Variants in PLEKHG1 observed in about 807,000 individuals in gnomAD.
PLEKHG1 encodes pleckstrin homology domain-containing family G member 1.
Under a neutral mutation model 100.8 loss-of-function variants are expected in PLEKHG1, and 44 were observed. That is an observed-to-expected ratio of 0.44 (90% confidence interval 0.34 to 0.56). The LOEUF (loss-of-function observed/expected upper bound fraction) is 0.56, where lower values mean the gene tolerates loss of function less well. Ranked by LOEUF, PLEKHG1 falls within the 20% of genes least tolerant of loss-of-function variation. The probability of loss-of-function intolerance (pLI) is 0.01; values close to 1 mark genes in which losing one functional copy is unlikely to be tolerated. For missense variants in PLEKHG1, 1,545 were observed against 1,720.9 expected (o/e 0.90, Z 1.81); for synonymous variants, 640 against 662.5 (o/e 0.97, Z 0.52).
rs75606037 is a variant in PLEKHG1 at position 150,740,461 on chromosome 6, C to G, written c.411+6369C>G. Reference sequence around the variant, plus strand: ...GCTGTTGAGAAGAGGGGAATTGTCGCAGATTTTATTGTCTTTTTACTTAAC... The same window carrying G: ...GCTGTTGAGAAGAGGGGAATTGTCGGAGATTTTATTGTCTTTTTACTTAAC... On this transcript the variant is annotated intron_variant, in intron 2 of 15. Coordinates refer to ENST00000358517, the Ensembl canonical transcript of PLEKHG1. Among the ~76,000 whole-genome samples the G allele has an allele frequency of 1.5e-3, 231 of 152,306 alleles. 2 individuals are homozygous for G. In the East Asian group the frequency reaches 0.038, roughly 25 times the overall value.
At chr6:150,667,680 CT>C (rs1343102212) in intron 3 of PLEKHG1, among the ~76,000 whole-genome samples, 1 of 152,176 alleles carries the variant, frequency 6.6e-6, no homozygotes, top group Admixed American at 6.5e-5. Flanking sequence ...TTAAAATTGC[CT>C]AGGAAATAAT....
intron 5 of PLEKHG1, among the ~76,000 whole-genome samples, chr6:150,798,768 T>A (rs940813457): frequency 6.6e-6 from 1 of 152,050 alleles, no homozygotes; most frequent in African/African-American, 2.4e-5. Flanking sequence ...AGAGTTAGAG[T>A]CTCGCTCTGT....
intron 1 of PLEKHG1, among the ~76,000 whole-genome samples, chr6:150,614,384 T>C (rs1776974780): frequency 6.6e-6 from 1 of 152,206 alleles, no homozygotes; most frequent in African/African-American, 2.4e-5. Flanking sequence ...TTCTAGCTAG[T>C]TCTTCATGCA....
intron 14 of PLEKHG1, among the ~76,000 whole-genome samples, chr6:150,825,144 T>C (rs559043167): frequency 1.3e-5 from 2 of 152,274 alleles, no homozygotes; most frequent in East Asian, 3.9e-4. Context: ...CAGGTCCATA[T>C]GGGCATAACC....
intron 3 of PLEKHG1, among the ~76,000 whole-genome samples, chr6:150,693,059 G>A (rs971560599): frequency 1.3e-5 from 2 of 152,116 alleles, no homozygotes; most frequent in African/African-American, 4.8e-5. Context: ...CTGTTCCTGC[G>A]GTTGGATCAC....
intron 1 of PLEKHG1, chr6:150,721,246 A>G (rs1373960467): frequency 2.2e-5 from 19 of 865,104 alleles, no homozygotes; most frequent in Non-Finnish European, 2.5e-5. Flanking sequence ...GCAGGAACAA[A>G]CGCTCCTTCC....
chr6:150,701,949 T>A (rs6921992), intron 3 of PLEKHG1, among the ~76,000 whole-genome samples: 21,302 of 152,000 alleles, frequency 0.14, 4,132 homozygotes, highest in African/African-American at 0.44. Flanking sequence ...AATGAGACGG[T>A]TCCCCTGATT....
rs1027005871 is a variant in PLEKHG1 at position 150,754,416 on chromosome 6, G to A, written c.412-14222G>A. Among the ~76,000 whole-genome samples the A allele has an allele frequency of 2.0e-5, 3 of 152,222 alleles. No individual in the cohort carries two copies. In the East Asian group the frequency reaches 5.8e-4, roughly 29 times the overall value. ...CCAGGAGGCATGACATCAAATTTGC[G>A]TTTTAGAAAATCATGTTAGATAGGT... is the stretch of plus-strand genomic sequence containing the variant. On this transcript the variant is annotated intron_variant, in intron 2 of 15. Coordinates refer to ENST00000358517, the Ensembl canonical transcript of PLEKHG1.
chr6:150,834,853 A>G (rs1480249761), intron 15 of PLEKHG1, among the ~76,000 whole-genome samples: 1 of 152,204 alleles, frequency 6.6e-6, no homozygotes, highest in Non-Finnish European at 1.5e-5. Flanking sequence ...GCACGTCCCT[A>G]GGACCTGATG....
intron 1 of PLEKHG1, among the ~76,000 whole-genome samples, chr6:150,636,183 A>G (rs868388654): frequency 6.6e-6 from 1 of 152,200 alleles, no homozygotes; most frequent in South Asian, 2.1e-4. Flanking sequence ...CATTACACAA[A>G]CTTCAAAGTA....
At chr6:150,618,957 T>G (rs6932970) in intron 1 of PLEKHG1, among the ~76,000 whole-genome samples, 121,981 of 152,022 alleles carry the variant, frequency 0.8, 49,055 homozygotes, top group Admixed American at 0.85. Flanking sequence ...GGTGGCAGTA[T>G]CTGTAGTTCC....
At chr6:150,734,796 A>G (rs1782475758) in intron 2 of PLEKHG1, among the ~76,000 whole-genome samples, 1 of 152,170 alleles carries the variant, frequency 6.6e-6, no homozygotes, top group Middle Eastern at 3.2e-3. Context: ...ATTATAAATT[A>G]CTTGCACAAA....
At chr6:150,804,652 G>C (rs757182373) in exon 7 of PLEKHG1, 2 of 1,612,720 alleles carry the variant, frequency 1.2e-6, no homozygotes, top group African/African-American at 2.7e-5. Context: ...AGGCTATGAT[G>C]TGGTGCTTGA....
intron 3 of PLEKHG1, among the ~76,000 whole-genome samples, chr6:150,702,892 T>C (rs4869935): frequency 0.2 from 29,680 of 152,118 alleles, 5,041 homozygotes; most frequent in African/African-American, 0.47. Context: ...GCTGCGTTCA[T>C]TCCTTACGAG....
chr6:150,771,772 C>A (rs1487162219), intron 3 of PLEKHG1, among the ~76,000 whole-genome samples: 1 of 151,910 alleles, frequency 6.6e-6, no homozygotes, highest in East Asian at 1.9e-4. Flanking sequence ...GTATTGTGGC[C>A]AACTAGGCAA....
chr6:150,825,863 C>T (rs1056381238), intron 14 of PLEKHG1, among the ~76,000 whole-genome samples: 1 of 152,154 alleles, frequency 6.6e-6, no homozygotes, highest in African/African-American at 2.4e-5. Context: ...ATATTTGGCA[C>T]AAAGCAAGTG....
intron 14 of PLEKHG1, chr6:150,827,538 A>G (rs1182776772): frequency 5.2e-6 from 3 of 574,366 alleles, no homozygotes; most frequent in African/African-American, 1.9e-5. Context: ...TGCCTTCCAA[A>G]GTGCTGGGAT....
At chr6:150,777,238 T>C (rs1189152151) in intron 3 of PLEKHG1, among the ~76,000 whole-genome samples, 2 of 147,374 alleles carry the variant, frequency 1.4e-5, no homozygotes, top group Non-Finnish European at 3.0e-5. Flanking sequence ...TGGTTGCACA[T>C]TACTCAACAC....
intron 3 of PLEKHG1, among the ~76,000 whole-genome samples, chr6:150,772,145 T>C (rs1459145772): frequency 1.3e-5 from 2 of 152,192 alleles, no homozygotes; most frequent in African/African-American, 4.8e-5. Context: ...TGTTTTTTGA[T>C]TTCTGTGGTA....
Sources: allele counts gnomAD v4.1 joint callset (sites outside exome capture counted in the v4.1 genomes callset), GRCh38; gene constraint gnomAD v4.1.1; transcripts MANE v1.5; gene names NCBI Gene and HGNC (gene_info 2026-07-23, HGNC 2026-07-21).